LMNTD1: variants seen among roughly 807,000 people sequenced by gnomAD.
The protein encoded by LMNTD1 is lamin tail domain-containing protein 1.
Under a neutral mutation model 50.9 loss-of-function variants are expected in LMNTD1, and 35 were observed. The observed-to-expected ratio is 0.69, with a 90% CI of 0.53 to 0.91. LMNTD1 has a LOEUF of 0.91. Ranked by LOEUF, LMNTD1 falls within the 40% of genes least tolerant of loss-of-function variation. LMNTD1 has a pLI of 0.00. For missense variants in LMNTD1, 470 were observed against 475.5 expected, an observed-to-expected ratio of 0.99 and a Z score of 0.11; for synonymous variants, 153 against 161.9, an observed-to-expected ratio of 0.94 and a Z score of 0.42.
Position 25,526,914 on chromosome 12 carries a change from C to G in LMNTD1, c.533G>C (p.Gly178Ala). The G allele has an allele frequency of 6.2e-7, 1 of 1,611,038 alleles. No homozygotes were observed. Among genetic ancestry groups the G allele is most frequent in the Non-Finnish European group, 8.5e-7 (1 of 1,178,674 alleles). Reference sequence around the variant, plus strand: ...AGAGTTAATGAGCTTCACGAACAAACCCTTGACATTCACTTCAGCTATTTC... The same window carrying G: ...AGAGTTAATGAGCTTCACGAACAAAGCCTTGACATTCACTTCAGCTATTTC... Reference protein sequence around the residue: ...DVEIAEVNVKGLFVKLINSSL... With the variant: ...DVEIAEVNVKALFVKLINSSL... The change falls in exon 5 of 10, where the codon GGT becomes GCT. Residue 178 changes from glycine (G) to alanine (A), a missense_variant. Transcript: ENST00000458174.
At chr12:25,514,888 T>G (rs1940638953) in intron 8 of LMNTD1, among the ~76,000 whole-genome samples, 1 of 152,202 alleles carries the variant, frequency 6.6e-6, no homozygotes, top group Non-Finnish European at 1.5e-5. Context: ...GATTGGCACA[T>G]AATTTAAGAT....
chr12:25,542,215 T>C (rs1011007322), intron 4 of LMNTD1, among the ~76,000 whole-genome samples: 1 of 152,096 alleles, frequency 6.6e-6, no homozygotes, highest in African/African-American at 2.4e-5. Context: ...AGCCTCCCAT[T>C]ACTGGGTATA....
At chr12:25,548,696 C>G (rs1295223367) in intron 3 of LMNTD1, among the ~76,000 whole-genome samples, 2 of 151,896 alleles carry the variant, frequency 1.3e-5, no homozygotes, top group Non-Finnish European at 2.9e-5. Context: ...ACCACGGAAA[C>G]ACACCCTCAA....
At chr12:25,598,883 C>G (rs1451253530) in intron 1 of LMNTD1, among the ~76,000 whole-genome samples, 1 of 151,818 alleles carries the variant, frequency 6.6e-6, no homozygotes, top group African/African-American at 2.4e-5. Context: ...AAAGAAAAGC[C>G]CAGAACACAA....
chr12:25,549,188 T>C (rs1943606386), intron 3 of LMNTD1, 138 bp downstream of exon 3: 1 of 566,410 alleles, frequency 1.8e-6, no homozygotes, highest in Non-Finnish European at 3.1e-6. Context: ...GTTAAGTTAC[T>C]TTTCATAAGA....
At chr12:25,527,280 T>C (rs550400290) in intron 4 of LMNTD1, among the ~76,000 whole-genome samples, 7 of 152,102 alleles carry the variant, frequency 4.6e-5, no homozygotes, top group Middle Eastern at 6.8e-3. Context: ...ATAAAATCAT[T>C]GAGACATGAA....
intron 6 of LMNTD1, among the ~76,000 whole-genome samples, chr12:25,523,503 T>C (rs547240989): frequency 6.6e-6 from 1 of 152,326 alleles, no homozygotes; most frequent in Admixed American, 6.5e-5. Context: ...TGGATTATTT[T>C]CTACATACAA....
At chr12:25,598,270 T>C (rs1945883724) in intron 1 of LMNTD1, among the ~76,000 whole-genome samples, 1 of 151,984 alleles carries the variant, frequency 6.6e-6, no homozygotes, top group Non-Finnish European at 1.5e-5. Flanking sequence ...AGTGGGTCAA[T>C]AAAGAAATTA....
intron 1 of LMNTD1, among the ~76,000 whole-genome samples, chr12:25,569,831 C>G (rs1210132905): frequency 1.3e-5 from 2 of 152,200 alleles, no homozygotes; most frequent in Non-Finnish European, 2.9e-5. Context: ...TCACCAGAAG[C>G]AGATACTGGT....
At chr12:25,595,977 C>G (rs1376047215) in intron 1 of LMNTD1, among the ~76,000 whole-genome samples, 3 of 151,854 alleles carry the variant, frequency 2.0e-5, no homozygotes, top group Non-Finnish European at 2.9e-5. Flanking sequence ...ATGCATAAAC[C>G]TAGAAAACCT....
At position 25,518,849 on chromosome 12, in the gene LMNTD1, C is replaced by T. The variant is rs756323893; in HGVS notation, c.1135G>A (p.Gly379Ser). 6.2e-7 allele frequency: 1 copy of T among 1,614,136 alleles called. No individual in the cohort carries two copies. ...GTCCTGGGCTGTCTATCCAATCTGC[C>T]TCCAGCGGTGGATGTATTGTGTGGT... Reference protein sequence around the residue: ...IEPHNTSTAGGRLDRQPRTRS... With the variant: ...IEPHNTSTAGSRLDRQPRTRS... Residue 379 changes from glycine (G) to serine (S), a missense_variant, in exon 8 of 10, where the codon GGC (glycine) becomes AGC (serine). Physicochemically the swap from Gly to Ser is moderately conservative, Grantham distance 56. Coordinates refer to ENST00000458174, the MANE Select transcript of LMNTD1 (RefSeq NM_001145728.2).
At chr12:25,483,152 T>C (rs1938498503) in intron 9 of LMNTD1, among the ~76,000 whole-genome samples, 2 of 151,908 alleles carry the variant, frequency 1.3e-5, no homozygotes, top group South Asian at 4.1e-4. Context: ...GGGCTGGGCG[T>C]GGTGGCTCAT....
At chr12:25,631,377 C>A (rs1158742876) in intron 1 of LMNTD1, among the ~76,000 whole-genome samples, 3 of 152,182 alleles carry the variant, frequency 2.0e-5, no homozygotes, top group East Asian at 3.9e-4. Flanking sequence ...AGCTAAGAAC[C>A]CTCACGGAGT....
At chr12:25,621,321 A>C (rs2136565090) in intron 1 of LMNTD1, among the ~76,000 whole-genome samples, 1 of 152,234 alleles carries the variant, frequency 6.6e-6, no homozygotes, top group South Asian at 2.1e-4. Context: ...AACCCCTGGG[A>C]TCAAGCAATC....
intron 4 of LMNTD1, among the ~76,000 whole-genome samples, chr12:25,531,399 G>A (rs1238545820): frequency 6.6e-6 from 1 of 152,088 alleles, no homozygotes; most frequent in Non-Finnish European, 1.5e-5. Context: ...TGCCCTGTTG[G>A]CCTGCAGTTT....
intron 1 of LMNTD1, among the ~76,000 whole-genome samples, chr12:25,638,886 A>G (rs749919770): frequency 3.9e-5 from 6 of 152,164 alleles, no homozygotes; most frequent in Non-Finnish European, 5.9e-5. Context: ...GAAACAAAGA[A>G]CAAAGTTGGA....
chr12:25,562,477 G>A (rs1944373664), intron 1 of LMNTD1, among the ~76,000 whole-genome samples: 2 of 152,298 alleles, frequency 1.3e-5, no homozygotes, highest in Non-Finnish European at 2.9e-5. Flanking sequence ...ACTCTCTTCT[G>A]GCTTGGAGAG....
In LMNTD1 at chr12:25,630,912, G is replaced by T. The variant is rs981379860; in HGVS notation, c.58+17582C>A. On this transcript the variant is annotated intron_variant, in intron 1 of 7. Transcript: ENST00000445693. ...CTCTTATCTTTCGCAGCTGGGAGGC[G>T]GGTAGCCTGTCTCGCCCACTGGCCA... Among the ~76,000 whole-genome samples, 3 of 152,220 alleles carry T rather than the reference G, an allele frequency of 2.0e-5. No homozygotes were observed. In the East Asian group the frequency reaches 5.8e-4, roughly 29 times the overall value.
intron 1 of LMNTD1, among the ~76,000 whole-genome samples, chr12:25,628,778 G>A (rs537680128): frequency 5.9e-5 from 9 of 152,286 alleles, no homozygotes; most frequent in East Asian, 5.8e-4. Context: ...AATTCCCCTC[G>A]TATCACCAGA....
Sources: gnomAD v4.1 joint callset for allele counts (sites outside exome capture counted in the v4.1 genomes callset) on GRCh38, gnomAD v4.1.1 for gene constraint, MANE v1.5 for transcripts, NCBI Gene and HGNC (gene_info 2026-07-23, HGNC 2026-07-21) for gene names.